Variants in ERC2 observed in about 807,000 individuals in gnomAD.
The protein encoded by ERC2 is ERC protein 2.
Under a neutral mutation model 114.8 loss-of-function variants are expected in ERC2, and 42 were observed. The ratio of observed to expected loss-of-function variants is 0.37; its 90% CI spans 0.29 to 0.47. ERC2 has a LOEUF of 0.47. Ranked by LOEUF, ERC2 falls within the 20% of genes least tolerant of loss-of-function variation. ERC2 has a pLI of 0.99. For missense variants in ERC2, 939 were observed against 1,150.7 expected, an observed-to-expected ratio of 0.82 and a Z score of 2.66; for synonymous variants, 454 against 425.5, an observed-to-expected ratio of 1.07 and a Z score of -0.82.
intron 17 of ERC2, among the ~76,000 whole-genome samples, chr3:55,589,266 T>C (rs1161125944): frequency 6.7e-6 from 1 of 149,488 alleles, no homozygotes; most frequent in Non-Finnish European, 1.5e-5. Context: ...AATCATCAAC[T>C]TCAGCTGGCT....
rs368463554 is a variant in ERC2 at position 56,123,220 on chromosome 3, G to T, written c.1473+16289C>A. Among the ~76,000 whole-genome samples, 11 of 152,258 alleles carry T rather than the reference G, an allele frequency of 7.2e-5. No individual in the cohort carries two copies. The South Asian group carries it at 2.3e-3, about 32-fold the overall frequency. On this transcript the variant is annotated intron_variant, in intron 6 of 17. Transcript: ENST00000288221. ...TTGAAATATTAACCTCCAAGGTGAT[G>T]GTATTAGGAAGTGGGGCCTTTTAGA...
chr3:56,073,022 T>C (rs1380685209), intron 7 of ERC2, among the ~76,000 whole-genome samples: 1 of 152,156 alleles, frequency 6.6e-6, no homozygotes, highest in Non-Finnish European at 1.5e-5. Context: ...ATGTGAAAAT[T>C]GTTAGACAGA....
chr3:55,581,304 G>A (rs563322083), intron 17 of ERC2, among the ~76,000 whole-genome samples: 1 of 152,304 alleles, frequency 6.6e-6, no homozygotes, highest in African/African-American at 2.4e-5. Flanking sequence ...AAATACCCAT[G>A]CAATAATACC....
At chr3:55,848,425 T>A (rs778442748) in intron 14 of ERC2, among the ~76,000 whole-genome samples, 30 of 152,198 alleles carry the variant, frequency 2.0e-4, no homozygotes, top group Admixed American at 9.8e-4. Context: ...TGACTTCTGC[T>A]CCCATTCATC....
At position 56,127,506 on chromosome 3, in the gene ERC2, T is replaced by C. The variant is rs138559156; in HGVS notation, c.1473+12003A>G. On this transcript the variant is annotated intron_variant, in intron 6 of 17. Transcript: ENST00000288221. ...ACTGTGGGAGGCTGAGGCAGGCAGA[T>C]CACTTGAGGTCAGGAGTTCAAAACC... is the stretch of plus-strand genomic sequence containing the variant. Among the ~76,000 whole-genome samples, 996 of 152,212 alleles carry C rather than the reference T, an allele frequency of 6.5e-3. 11 individuals are homozygous for C. Among genetic ancestry groups the C allele is most frequent in the African/African-American group, 0.023 (944 of 41,528 alleles).
intron 10 of ERC2, among the ~76,000 whole-genome samples, chr3:55,996,307 T>C (rs934872891): frequency 2.0e-5 from 3 of 152,236 alleles, no homozygotes; most frequent in Non-Finnish European, 4.4e-5. Context: ...AGTTTTCTTT[T>C]GATGGTTTCA....
At chr3:55,590,022 C>A (rs2107601399) in intron 17 of ERC2, among the ~76,000 whole-genome samples, 1 of 152,264 alleles carries the variant, frequency 6.6e-6, no homozygotes, top group South Asian at 2.1e-4. Context: ...TTTAAAAAAT[C>A]ATGTATATTC....
intron 7 of ERC2, among the ~76,000 whole-genome samples, chr3:56,075,017 G>T (rs1167521071): frequency 1.3e-5 from 2 of 152,112 alleles, no homozygotes; most frequent in African/African-American, 4.8e-5. Flanking sequence ...TATGGTTGGG[G>T]CACTCAAGCC....
At chr3:56,423,591 G>T (rs2061463613) in intron 2 of ERC2, among the ~76,000 whole-genome samples, 1 of 152,230 alleles carries the variant, frequency 6.6e-6, no homozygotes, top group African/African-American at 2.4e-5. Context: ...AAGATGAAAA[G>T]TAGCTGCCTC....
chr3:55,736,532 G>A (rs1030922214), intron 14 of ERC2, among the ~76,000 whole-genome samples: 2 of 152,018 alleles, frequency 1.3e-5, no homozygotes, highest in Admixed American at 1.3e-4. Context: ...CCATTTGATA[G>A]CATCTTATTT....
intron 1 of ERC2, among the ~76,000 whole-genome samples, chr3:56,454,077 G>T (rs2062947627): frequency 6.6e-6 from 1 of 152,160 alleles, no homozygotes; most frequent in South Asian, 2.1e-4. Context: ...ACCAACTGAT[G>T]ACCCTGTCTT....
intron 14 of ERC2, among the ~76,000 whole-genome samples, chr3:55,867,569 G>A (rs2062383492): frequency 6.6e-6 from 1 of 152,154 alleles, no homozygotes; most frequent in African/African-American, 2.4e-5. Context: ...AGAAAAAATT[G>A]TAACAAAATG....
At chr3:56,025,161 C>T (rs2073962600) in intron 7 of ERC2, among the ~76,000 whole-genome samples, 1 of 152,146 alleles carries the variant, frequency 6.6e-6, no homozygotes, top group Non-Finnish European at 1.5e-5. Context: ...CTCAGAGGTA[C>T]CTTTTGCAGA....
intron 2 of ERC2, among the ~76,000 whole-genome samples, chr3:56,328,519 A>G (rs1185813011): frequency 6.6e-6 from 1 of 152,226 alleles, no homozygotes; most frequent in East Asian, 1.9e-4. Context: ...AAGATAAGGT[A>G]CAAACGGGTA....
At chr3:56,408,718 C>T (rs1455216806) in intron 2 of ERC2, among the ~76,000 whole-genome samples, 1 of 152,090 alleles carries the variant, frequency 6.6e-6, no homozygotes, top group Non-Finnish European at 1.5e-5. Context: ...AAGAACTAAA[C>T]GAGGTGGTAA....
chr3:55,622,146 C>T (rs1004408252), intron 17 of ERC2, among the ~76,000 whole-genome samples: 23 of 152,286 alleles, frequency 1.5e-4, no homozygotes, highest in Admixed American at 8.5e-4. Flanking sequence ...TTTGAAAATC[C>T]GGCCACACTT....
intron 7 of ERC2, chr3:56,072,407 C>T (rs1367425205): frequency 6.6e-6 from 1 of 152,130 alleles, no homozygotes; most frequent in East Asian, 1.9e-4. Context: ...ATACTGCTAC[C>T]CTACCAACAC....
chr3:55,841,532 T>C (rs545670102), intron 14 of ERC2, among the ~76,000 whole-genome samples: 12 of 152,126 alleles, frequency 7.9e-5, no homozygotes, highest in Non-Finnish European at 1.6e-4. Context: ...AGAGTGACAA[T>C]AGAGTAATAC....
intron 17 of ERC2, among the ~76,000 whole-genome samples, chr3:55,632,225 CCATATA>C (rs2059784079): frequency 6.6e-6 from 1 of 152,170 alleles, no homozygotes; most frequent in South Asian, 2.1e-4. Context: ...TGATGTGTGC[CCATATA>C]CATACCAACC....
Sources: allele counts gnomAD v4.1 joint callset (sites outside exome capture counted in the v4.1 genomes callset), GRCh38; gene constraint gnomAD v4.1.1; transcripts MANE v1.5; gene names NCBI Gene and HGNC (gene_info 2026-07-23, HGNC 2026-07-21).